ARF4: variants seen among roughly 807,000 people sequenced by gnomAD.
The protein encoded by ARF4 is ARF GTPase 4, also known as ADP-ribosylation factor 4.
ARF4 carries 5 observed loss-of-function variants against 24.3 expected under a neutral mutation model. The observed-to-expected ratio is 0.21, with a 90% CI of 0.11 to 0.43. The LOEUF (loss-of-function observed/expected upper bound fraction) is 0.43. Ranked by LOEUF, ARF4 falls within the 20% of genes least tolerant of loss-of-function variation. ARF4 has a pLI of 1.00. For missense variants in ARF4, 107 were observed against 213.0 expected, an observed-to-expected ratio of 0.50 and a Z score of 3.10; for synonymous variants, 62 against 73.5, an observed-to-expected ratio of 0.84 and a Z score of 0.80.
intron 4 of ARF4, 81 bp from the exon 5 acceptor site, chr3:57,575,754 A>G (rs751218346): frequency 6.1e-5 from 83 of 1,366,536 alleles, no homozygotes; most frequent in Non-Finnish European, 7.6e-5. Context: ...TACTTTACTC[A>G]GCATTAAATA....
rs965158315 is a variant in ARF4 at position 57,597,264 on chromosome 3, G to C, written c.-124C>G. ...GAGAAAGAGCGGAGGAAGAAAGAGG[G>C]AGGCAGAAACGTCTCAGTGGCCCCT... is the stretch of plus-strand genomic sequence containing the variant. On this transcript the variant is annotated 5_prime_UTR_variant, in exon 1 of 6. Transcript: ENST00000303436. 1 of 972,296 alleles carries C rather than the reference G, an allele frequency of 1.0e-6. No individual in the cohort carries two copies. The highest frequency in any genetic ancestry group is 1.6e-6 in the Non-Finnish European group (1 of 639,068). 60.2% of individuals were successfully genotyped at this position (972,296 alleles called of 1,614,324 possible). A position where few individuals can be genotyped will look rare whatever the true frequency, so the allele number is the denominator to read the frequency against.
intron 1 of ARF4, 142 bp downstream of exon 1, chr3:57,596,932 C>G: frequency 1.2e-6 from 1 of 822,644 alleles, no homozygotes; most frequent in Non-Finnish European, 1.9e-6. Flanking sequence ...CATTGTTCCC[C>G]CTTAAGAATT....
intron 1 of ARF4, chr3:57,596,702 C>G (rs2070189459): frequency 4.3e-6 from 1 of 232,976 alleles, no homozygotes. Context: ...CCGCTGTCCA[C>G]ACCCGGGCAA....
chr3:57,592,236 C>T (rs1379975373), intron 1 of ARF4, among the ~76,000 whole-genome samples: 4 of 152,116 alleles, frequency 2.6e-5, no homozygotes, highest in East Asian at 1.9e-4. Context: ...TGCCTGTAAT[C>T]GCAGCACTTT....
intron 1 of ARF4, chr3:57,596,683 C>G (rs1482020348): frequency 5.0e-6 from 1 of 200,210 alleles, no homozygotes; most frequent in African/African-American, 2.4e-5. Context: ...TGCTCTGCCT[C>G]CCTCCTGACC....
At chr3:57,575,800 G>A (rs1006513612) in intron 4 of ARF4, 127 bp from the exon 5 acceptor site, 3 of 1,056,046 alleles carry the variant, frequency 2.8e-6, no homozygotes, top group African/African-American at 3.3e-5. Context: ...TCGACACAAA[G>A]TTCACTCTTA....
At chr3:57,597,009 G>A (rs555442254) in intron 1 of ARF4, 65 bp downstream of exon 1, 5 of 1,566,232 alleles carry the variant, frequency 3.2e-6, no homozygotes, top group South Asian at 1.1e-5. Flanking sequence ...CAGGCCCAGA[G>A]GCCACCCCAA....
At chr3:57,586,290 T>C (rs868570571) in intron 1 of ARF4, among the ~76,000 whole-genome samples, 2 of 152,204 alleles carry the variant, frequency 1.3e-5, no homozygotes, top group African/African-American at 4.8e-5. Context: ...GGACACTTTC[T>C]TAATATTTAA....
chr3:57,584,639 G>C (rs2070015007), intron 1 of ARF4, among the ~76,000 whole-genome samples, 175 bp from the exon 2 acceptor site: 1 of 152,148 alleles, frequency 6.6e-6, no homozygotes, highest in Admixed American at 6.5e-5. Context: ...CCTACAGAAA[G>C]CCTTTCCATT....
chr3:57,594,600 T>C (rs9680955), intron 1 of ARF4, among the ~76,000 whole-genome samples: 2,043 of 152,346 alleles, frequency 0.013, 50 homozygotes, highest in African/African-American at 0.046. Context: ...GGTGTACGAA[T>C]TAAATTTAAA....
chr3:57,585,480 T>C (rs1445078412), intron 1 of ARF4, among the ~76,000 whole-genome samples: 1 of 152,150 alleles, frequency 6.6e-6, no homozygotes, highest in African/African-American at 2.4e-5. Context: ...CTGATTAACC[T>C]GTTATAAAAA....
chr3:57,590,144 C>CA (rs1427841956), intron 1 of ARF4, among the ~76,000 whole-genome samples: 1 of 141,328 alleles, frequency 7.1e-6, no homozygotes, highest in Non-Finnish European at 1.6e-5. Context: ...AAACAAAAAA[C>CA]AAAAAAAGAA....
intron 1 of ARF4, among the ~76,000 whole-genome samples, chr3:57,585,253 C>A (rs548123693): frequency 8.5e-4 from 129 of 152,236 alleles, no homozygotes; most frequent in African/African-American, 3.0e-3. Context: ...AAAATATTTT[C>A]TCTTATTTAC....
intron 5 of ARF4, among the ~76,000 whole-genome samples, chr3:57,575,024 T>C (rs2069886674): frequency 6.6e-6 from 1 of 152,066 alleles, no homozygotes; most frequent in African/African-American, 2.4e-5. Context: ...TAATTTTGTA[T>C]TTTTAGTAGA....
intron 1 of ARF4, among the ~76,000 whole-genome samples, chr3:57,588,218 C>T (rs1368744607): frequency 6.6e-6 from 1 of 152,196 alleles, no homozygotes; most frequent in Non-Finnish European, 1.5e-5. Context: ...ACTTGTTCTC[C>T]TTAACTAGAC....
chr3:57,576,503 G>GTTT (rs2069904345), intron 4 of ARF4, among the ~76,000 whole-genome samples: 1 of 130,904 alleles, frequency 7.6e-6, no homozygotes, highest in African/African-American at 2.9e-5. Flanking sequence ...TCTCAACCAA[G>GTTT]CTTTTTTTTT....
chr3:57,592,994 CAG>C (rs1410339057), intron 1 of ARF4, among the ~76,000 whole-genome samples: 1 of 152,056 alleles, frequency 6.6e-6, no homozygotes, highest in African/African-American at 2.4e-5. Flanking sequence ...CTCTTGAGCC[CAG>C]GAGTTTGAGA....
chr3:57,594,154 G>T (rs111340669), intron 1 of ARF4, among the ~76,000 whole-genome samples: 4 of 152,246 alleles, frequency 2.6e-5, no homozygotes, highest in African/African-American at 9.6e-5. Flanking sequence ...TACTGAGGAG[G>T]CAGAGGTTGC....
intron 3 of ARF4, among the ~76,000 whole-genome samples, chr3:57,582,738 C>A (rs1375720671): frequency 8.2e-6 from 1 of 122,326 alleles, no homozygotes; most frequent in Non-Finnish European, 1.8e-5. Context: ...GCAGTGATAT[C>A]ACACTTAAAA....
Sources: allele counts gnomAD v4.1 joint callset (sites outside exome capture counted in the v4.1 genomes callset), GRCh38; gene constraint gnomAD v4.1.1; transcripts MANE v1.5; gene names NCBI Gene and HGNC (gene_info 2026-07-23, HGNC 2026-07-21).